Variants in KSR2 observed in about 807,000 individuals in gnomAD.
KSR2 encodes the protein kinase suppressor of ras 2.
In KSR2, 25 loss-of-function variants were observed where a neutral mutation model predicts 107.8. That is an observed-to-expected ratio of 0.23 (90% confidence interval 0.17 to 0.32). KSR2 has a LOEUF of 0.32. Among genes scored for constraint, KSR2 ranks in the 10% least tolerant of loss-of-function variants. The probability of loss-of-function intolerance (pLI) is 1.00; values close to 1 mark genes in which losing one functional copy is unlikely to be tolerated. For synonymous variants in KSR2, 480 were observed against 507.0 expected (o/e 0.95, Z 0.71); for missense variants, 887 against 1,268.9 (o/e 0.70, Z 4.57).
rs199546960 is a variant in KSR2, at chr12:117,968,890, GCGC to G, written c.-638_-636del. 1.1e-3 allele frequency: 278 copies of G among 248,732 alleles called. No homozygotes were observed. The highest frequency in any genetic ancestry group is 4.1e-3 in the South Asian group (107 of 26,176). The allele number at this position is 248,732 out of a possible 1,614,324, so 15.4% of individuals were successfully genotyped here. On this transcript the variant is annotated 5_prime_UTR_variant, in exon 1 of 20. Coordinates refer to ENST00000339824, the MANE Select transcript of KSR2 (RefSeq NM_173598.6). Reference sequence around the variant, plus strand: ...TGCGGCTGGCTGCTGTCTCCTCCCCGCGCTGCTGCTGCTGCTGCTGCTGCCGCC... The same window carrying G: ...TGCGGCTGGCTGCTGTCTCCTCCCCGTGCTGCTGCTGCTGCTGCTGCCGCC...
At chr12:117,578,941 C>T (rs560430725) in intron 7 of KSR2, among the ~76,000 whole-genome samples, 178 bp downstream of exon 7, 1 of 152,188 alleles carries the variant, frequency 6.6e-6, no homozygotes, top group Admixed American at 6.5e-5. Flanking sequence ...TTCAGAATTG[C>T]TCTCCCTTGA....
At position 117,466,644 on chromosome 12, in the gene KSR2, C is replaced by T. The variant is rs191517019; in HGVS notation, c.*555G>A. The T allele has an allele frequency of 5.0e-4, 76 of 153,022 alleles. No individual in the cohort carries two copies. The highest frequency in any genetic ancestry group is 7.8e-4 in the Non-Finnish European group (53 of 68,294). The allele number at this position is 153,022 out of a possible 1,614,324, so 9.5% of individuals were successfully genotyped here. A position where few individuals can be genotyped will look rare whatever the true frequency, so the allele number is the denominator to read the frequency against. On this transcript the variant is annotated 3_prime_UTR_variant, in exon 20 of 20. Transcript: ENST00000339824. ...TTAGCCACTCCCGACCTTCCCTGCT[C>T]GATCTTGGCTCAGTAGCCTTGACTA...
At chr12:117,912,181 C>T (rs1895035977) in intron 1 of KSR2, among the ~76,000 whole-genome samples, 1 of 152,184 alleles carries the variant, frequency 6.6e-6, no homozygotes, top group Non-Finnish European at 1.5e-5. Flanking sequence ...TTTCTCAGAG[C>T]CATTATGTAC....
chr12:117,599,851 G>C (rs76206998), intron 5 of KSR2, among the ~76,000 whole-genome samples: 10 of 152,130 alleles, frequency 6.6e-5, no homozygotes, highest in Non-Finnish European at 1.2e-4. Context: ...TGGGTTGAAC[G>C]GTGACCATGG....
At position 117,586,629 on chromosome 12, in the gene KSR2, AAAAG is replaced by A. The variant is rs71450224; in HGVS notation, c.1172-4274_1172-4271del. Among the ~76,000 whole-genome samples, 125 of 138,394 alleles carry A rather than the reference AAAAG, an allele frequency of 9.0e-4. 1 individual carries two copies. Among genetic ancestry groups the A allele is most frequent in the South Asian group, 3.5e-3 (15 of 4,232 alleles). 90.8% of individuals were successfully genotyped at this position (138,394 alleles called of 152,430 possible). On this transcript the variant is annotated intron_variant, in intron 5 of 19. Coordinates refer to ENST00000339824, the MANE Select transcript of KSR2 (RefSeq NM_173598.6). The stretch of plus-strand genomic sequence containing the variant: ...AAAGAAAGAAAAGAAAAAAGAAAGA[AAAAG>A]AAAGAAAGAAAGAAAGAAAGAAAGA...
At chr12:117,475,516 C>A (rs1414494602) in intron 17 of KSR2, among the ~76,000 whole-genome samples, 3 of 152,166 alleles carry the variant, frequency 2.0e-5, no homozygotes, top group Admixed American at 2.0e-4. Context: ...TCAGGATTAT[C>A]ATCTCCTGGA....
intron 5 of KSR2, among the ~76,000 whole-genome samples, chr12:117,609,344 T>G (rs762238593): frequency 1.3e-5 from 2 of 152,220 alleles, no homozygotes; most frequent in Non-Finnish European, 2.9e-5. Flanking sequence ...CAGTGCTCCA[T>G]GAAGAATATC....
chr12:117,633,879 C>G (rs1481409721), intron 5 of KSR2, among the ~76,000 whole-genome samples: 1 of 152,166 alleles, frequency 6.6e-6, no homozygotes, highest in East Asian at 1.9e-4. Flanking sequence ...CTGTGCTCCT[C>G]CAGACATGCC....
chr12:117,930,062 T>G (rs915228453), intron 1 of KSR2, among the ~76,000 whole-genome samples: 11 of 152,124 alleles, frequency 7.2e-5, no homozygotes, highest in Non-Finnish European at 1.3e-4. Context: ...TTTTTTTTTT[T>G]GAGACAGAGT....
chr12:117,657,821 C>T (rs1884250889), intron 5 of KSR2, among the ~76,000 whole-genome samples: 1 of 152,202 alleles, frequency 6.6e-6, no homozygotes, highest in Admixed American at 6.5e-5. Flanking sequence ...GTGCTAGCTC[C>T]ATGCCAGGCA....
chr12:117,458,649 T>G lies in KSR2; in HGVS notation c.*8550A>C, dbSNP rs1870746633. On this transcript the variant is annotated 3_prime_UTR_variant, in exon 20 of 20. Coordinates refer to ENST00000339824, the MANE Select transcript of KSR2 (RefSeq NM_173598.6). ...CAGGGGAGATATTATCGGGCAGAAG[T>G]TGGATGGGGGATAAGTGAAGACGAG... 1 of 151,940 alleles carries G rather than the reference T, an allele frequency of 6.6e-6. No homozygotes were observed. The highest frequency in any genetic ancestry group is 2.4e-5 in the African/African-American group (1 of 41,350). 9.4% of individuals were successfully genotyped at this position (151,940 alleles called of 1,614,324 possible).
rs368475888 is a variant in KSR2 at position 117,799,938 on chromosome 12, C to T, written c.473-38414G>A. Among the ~76,000 whole-genome samples, 10 of 152,310 alleles carry T rather than the reference C, an allele frequency of 6.6e-5. No homozygotes were observed. In the East Asian group the frequency reaches 1.5e-3, roughly 24 times the overall value. On this transcript the variant is annotated intron_variant, in intron 3 of 19. Transcript: ENST00000339824. ...AAGAGGAGGCCACGTAATCTGCCTC[C>T]AAGACTCAGGCTCTTAGCCCTATGA...
At chr12:117,827,979 C>A (rs1891819398) in intron 3 of KSR2, among the ~76,000 whole-genome samples, 1 of 152,146 alleles carries the variant, frequency 6.6e-6, no homozygotes, top group Non-Finnish European at 1.5e-5. Context: ...CCACCCAAAC[C>A]ATTATCTCAT....
chr12:117,649,470 C>A (rs1226836946), intron 5 of KSR2, among the ~76,000 whole-genome samples: 1 of 152,214 alleles, frequency 6.6e-6, no homozygotes, highest in African/African-American at 2.4e-5. Flanking sequence ...AATCACAACA[C>A]TTAGGTACTG....
intron 1 of KSR2, among the ~76,000 whole-genome samples, chr12:117,862,958 T>C (rs1893359520): frequency 6.6e-6 from 1 of 152,094 alleles, no homozygotes; most frequent in African/African-American, 2.4e-5. Context: ...CTCGATCTCC[T>C]GATCTCGTGA....
At chr12:117,502,069 G>T (rs1873410747) in intron 14 of KSR2, among the ~76,000 whole-genome samples, 1 of 152,214 alleles carries the variant, frequency 6.6e-6, no homozygotes, top group African/African-American at 2.4e-5. Flanking sequence ...ACTGTAACTG[G>T]ATCAAAAGCC....
intron 5 of KSR2, among the ~76,000 whole-genome samples, chr12:117,587,107 G>T (rs1172562003): frequency 6.6e-6 from 1 of 152,162 alleles, no homozygotes; most frequent in African/African-American, 2.4e-5. Flanking sequence ...TGTCTGGGAA[G>T]GACCAAGGAG....
rs189801562 is a variant in KSR2, at chr12:117,943,277, A to G, written c.180+24799T>C. 3.4e-3 allele frequency among the ~76,000 whole-genome samples: 511 copies of G among 152,262 alleles called. 2 individuals are homozygous for G. Among genetic ancestry groups the G allele is most frequent in the African/African-American group, 0.012 (488 of 41,542 alleles). ...AACGACTATTTTCTCCATTTCTGAAATTAGTATGAACAATTCATAACCTGG... is the reference window on the plus strand; with the variant it reads ...AACGACTATTTTCTCCATTTCTGAAGTTAGTATGAACAATTCATAACCTGG... On this transcript the variant is annotated intron_variant, in intron 1 of 19. Coordinates refer to ENST00000339824, the MANE Select transcript of KSR2 (RefSeq NM_173598.6).
chr12:117,481,036 T>A (rs1358592149), intron 16 of KSR2, among the ~76,000 whole-genome samples: 1 of 151,784 alleles, frequency 6.6e-6, no homozygotes, highest in African/African-American at 2.4e-5. Flanking sequence ...CATTCCAGCC[T>A]GGGTGACAGA....
Sources: gnomAD v4.1 joint callset for allele counts (sites outside exome capture counted in the v4.1 genomes callset) on GRCh38, gnomAD v4.1.1 for gene constraint, MANE v1.5 for transcripts, NCBI Gene and HGNC (gene_info 2026-07-23, HGNC 2026-07-21) for gene names.